Variants in CACNA1D observed in about 807,000 individuals in gnomAD.
CACNA1D encodes the protein calcium voltage-gated channel subunit alpha1 D, also known as voltage-dependent L-type calcium channel subunit alpha-1D.
In CACNA1D, 55 loss-of-function variants were observed where a neutral mutation model predicts 257.1. The ratio of observed to expected loss-of-function variants is 0.21; its 90% CI spans 0.17 to 0.27. The LOEUF (loss-of-function observed/expected upper bound fraction) is 0.27. CACNA1D is among the 10% of genes least tolerant of loss of function. The probability of loss-of-function intolerance (pLI) is 1.00; values close to 1 mark genes in which losing one functional copy is unlikely to be tolerated. For missense variants in CACNA1D, 1,876 were observed against 2,784.0 expected, an observed-to-expected ratio of 0.67 and a Z score of 7.34; for synonymous variants, 980 against 1,014.9, an observed-to-expected ratio of 0.97 and a Z score of 0.65.
intron 3 of CACNA1D, among the ~76,000 whole-genome samples, chr3:53,525,146 T>C (rs943996798): frequency 1.3e-5 from 2 of 152,194 alleles, no homozygotes; most frequent in African/African-American, 4.8e-5. Context: ...GTGTATGTCT[T>C]ATCCTTACTC....
intron 3 of CACNA1D, among the ~76,000 whole-genome samples, chr3:53,522,497 G>T (rs2091618162): frequency 6.6e-6 from 1 of 152,218 alleles, no homozygotes; most frequent in African/African-American, 2.4e-5. Context: ...CAGCCAATAG[G>T]TGTGACTTGC....
chr3:53,650,856 A>G lies in CACNA1D; in HGVS notation c.561A>G (p.Leu187=). 6.2e-7 allele frequency: 1 copy of G among 1,608,804 alleles called. No homozygotes were observed. Among genetic ancestry groups the G allele is most frequent in the Non-Finnish European group, 8.5e-7 (1 of 1,175,150 alleles). Residue 187 remains leucine (L), a synonymous_variant, in exon 4 of 48, where the codon CTA becomes CTG. Transcript: ENST00000350061. The stretch of plus-strand genomic sequence containing the variant: ...AGATTATAGCGTATGGATTATTGCT[A>G]CATCCTAATGCTTATGTTAGGAATG... ...FLKIIAYGLL[L]HPNAYVRNGW... is the part of the protein sequence containing the mutation.
Position 53,772,856 on chromosome 3 carries a change from C to T in CACNA1D, c.4068C>T (p.Leu1356=), listed in dbSNP as rs757701058. 1.2e-6 allele frequency: 2 copies of T among 1,613,512 alleles called. No individual in the cohort carries two copies. Among genetic ancestry groups the T allele is most frequent in the South Asian group, 1.1e-5 (1 of 91,000 alleles). ...SFQALPYVAL[L]IAMLFFIYAV... is the part of the protein sequence containing the mutation. ...AGGCGCTCCCGTATGTGGCCCTCCT[C>T]ATAGCCATGCTGTTCTTCATCTATG... The change falls in exon 33 of 48, where the codon CTC becomes CTT. Residue 1356 remains leucine, a synonymous_variant. Transcript: ENST00000350061.
chr3:53,605,017 A>G (rs1170390011), intron 3 of CACNA1D, among the ~76,000 whole-genome samples: 2 of 152,168 alleles, frequency 1.3e-5, no homozygotes, highest in Admixed American at 6.5e-5. Context: ...CCTCTACTCA[A>G]GAAGGTGCAC....
At position 53,743,871 on chromosome 3, in the gene CACNA1D, G is replaced by C. The variant is rs367724450; in HGVS notation, c.2918+754G>C. On this transcript the variant is annotated intron_variant, in intron 22 of 47. Coordinates refer to ENST00000350061, the MANE Select transcript of CACNA1D (RefSeq NM_001128840.3). ...GAAGTGGAAAGGACCTGCCCTCCTA[G>C]GAAGACCAAAAACCTCTGCTTGGAA... 1.4e-4 allele frequency among the ~76,000 whole-genome samples: 21 copies of C among 151,992 alleles called. No individual in the cohort carries two copies. In the East Asian group the frequency reaches 4.1e-3, roughly 29 times the overall value.
Position 53,702,622 on chromosome 3 carries a change from T to C in CACNA1D, c.1221-19T>C. On this transcript the variant is annotated intron_variant, in intron 8 of 47. Transcript: ENST00000350061. ...CCAAGGATGTCCTGATATGTGCTTG[T>C]CCTCTTTGCCTCCTTCAGAGAATTC... 1 of 1,612,810 alleles carries C rather than the reference T, an allele frequency of 6.2e-7. No homozygotes were observed. The highest frequency in any genetic ancestry group is 8.5e-7 in the Non-Finnish European group (1 of 1,179,860).
chr3:53,508,803 C>T (rs959714230), intron 3 of CACNA1D, among the ~76,000 whole-genome samples: 3 of 152,156 alleles, frequency 2.0e-5, no homozygotes, highest in Non-Finnish European at 4.4e-5. Context: ...TGGGGACACG[C>T]CCCAACAGAC....
At chr3:53,775,685 G>C (rs1405016355) in intron 34 of CACNA1D, among the ~76,000 whole-genome samples, 1 of 152,184 alleles carries the variant, frequency 6.6e-6, no homozygotes, top group Non-Finnish European at 1.5e-5. Flanking sequence ...GTAAATCCAA[G>C]GGAATTGCAG....
At chr3:53,739,183 A>G (rs909992089) in intron 20 of CACNA1D, among the ~76,000 whole-genome samples, 2 of 152,122 alleles carry the variant, frequency 1.3e-5, no homozygotes, top group Non-Finnish European at 2.9e-5. Flanking sequence ...CGCCAGGCCT[A>G]CTCCTTGCTC....
intron 3 of CACNA1D, among the ~76,000 whole-genome samples, chr3:53,511,177 G>A (rs73840110): frequency 0.011 from 1,687 of 152,164 alleles, 33 homozygotes; most frequent in African/African-American, 0.039. Flanking sequence ...CTATTATTAT[G>A]GTGTTTAGGG....
At chr3:53,596,277 C>T (rs781011148) in intron 3 of CACNA1D, among the ~76,000 whole-genome samples, 12 of 152,048 alleles carry the variant, frequency 7.9e-5, no homozygotes, top group Non-Finnish European at 1.3e-4. Flanking sequence ...TTGAGTGCCC[C>T]TGCCTTCTTA....
chr3:53,746,393 G>C (rs2095169457), intron 25 of CACNA1D, among the ~76,000 whole-genome samples: 1 of 152,120 alleles, frequency 6.6e-6, no homozygotes, highest in South Asian at 2.1e-4. Context: ...CCATAGACAA[G>C]AACTGGCAGA....
At chr3:53,691,813 TTA>T (rs1491550005) in intron 8 of CACNA1D, among the ~76,000 whole-genome samples, 2 of 89,170 alleles carry the variant, frequency 2.2e-5, no homozygotes, top group Non-Finnish European at 4.4e-5. Context: ...ATAATATATA[TTA>T]TATATTATAT....
chr3:53,611,049 AG>A (rs2093577134), intron 3 of CACNA1D, among the ~76,000 whole-genome samples: 1 of 152,224 alleles, frequency 6.6e-6, no homozygotes, highest in Admixed American at 6.5e-5. Context: ...AGCACTTTAA[AG>A]ATGCCATTCT....
chr3:53,734,032 A>ATGTGTGTGTGTG (rs2095032037), intron 19 of CACNA1D, among the ~76,000 whole-genome samples: 3 of 145,276 alleles, frequency 2.1e-5, no homozygotes, highest in Admixed American at 1.4e-4. Context: ...ATATATATAT[A>ATGTGTGTGTGTG]TATATATATA....
intron 4 of CACNA1D, among the ~76,000 whole-genome samples, chr3:53,654,905 A>G (rs1180464487): frequency 6.6e-6 from 1 of 152,228 alleles, no homozygotes; most frequent in Non-Finnish European, 1.5e-5. Context: ...AGAAGAAAAA[A>G]GGAACAAAGG....
At position 53,724,011 on chromosome 3, in the gene CACNA1D, C is replaced by T. The variant is rs770187213; in HGVS notation, c.2100+12C>T. On this transcript the variant is annotated intron_variant, in intron 14 of 47. Transcript: ENST00000350061. ...TCACAGTGTTCCAGGTGAGTCCTCC[C>T]TCCATTCCCCGAAAAGCACTTCGTG... 1.2e-5 allele frequency: 19 copies of T among 1,605,312 alleles called. No homozygotes were observed. The Admixed American group carries it at 3.0e-4, about 25-fold the overall frequency.
intron 25 of CACNA1D, among the ~76,000 whole-genome samples, chr3:53,746,350 C>A (rs2095169031): frequency 6.6e-6 from 1 of 152,172 alleles, no homozygotes; most frequent in Admixed American, 6.5e-5. Flanking sequence ...TTCCTCTCTC[C>A]TGGCTCCTAT....
At chr3:53,507,445 C>T (rs1323418283) in intron 3 of CACNA1D, among the ~76,000 whole-genome samples, 5 of 150,766 alleles carry the variant, frequency 3.3e-5, no homozygotes, top group African/African-American at 1.2e-4. Flanking sequence ...TCCATGTCTC[C>T]CCCCGCCAAA....
Sources: gnomAD v4.1 joint callset for allele counts (sites outside exome capture counted in the v4.1 genomes callset) on GRCh38, gnomAD v4.1.1 for gene constraint, MANE v1.5 for transcripts, NCBI Gene and HGNC (gene_info 2026-07-23, HGNC 2026-07-21) for gene names.